The following TBC1D15 variants were observed in gnomAD, a reference collection of about 807,000 sequenced individuals.
The protein encoded by TBC1D15 is GAP for RAB7.
In TBC1D15, 39 loss-of-function variants were observed where a neutral mutation model predicts 95.4. That is an observed-to-expected ratio of 0.41 (90% CI 0.32 to 0.53). The LOEUF (loss-of-function observed/expected upper bound fraction) is 0.53, where lower values mean the gene tolerates loss of function less well. Ranked by LOEUF, TBC1D15 falls within the 20% of genes least tolerant of loss-of-function variation. The pLI is 0.29. For synonymous variants in TBC1D15, 258 were observed against 261.3 expected (o/e 0.99, Z 0.12); for missense variants, 733 against 794.3 (o/e 0.92, Z 0.93).
intron 11 of TBC1D15, among the ~76,000 whole-genome samples, chr12:71,910,930 A>G (rs1027426161): frequency 6.6e-6 from 1 of 152,224 alleles, no homozygotes; most frequent in Non-Finnish European, 1.5e-5. Context: ...TTTACAAGAA[A>G]AAACAAACAA....
intron 7 of TBC1D15, 72 bp downstream of exon 7, chr12:71,894,955 T>C: frequency 7.0e-7 from 1 of 1,424,794 alleles, no homozygotes; most frequent in South Asian, 1.4e-5. Context: ...AATAGAAACT[T>C]AATTTTGGTG....
intron 1 of TBC1D15, among the ~76,000 whole-genome samples, chr12:71,857,406 A>G (rs1473354699): frequency 1.3e-5 from 2 of 152,220 alleles, no homozygotes; most frequent in Non-Finnish European, 2.9e-5. Flanking sequence ...ATGCATAGAG[A>G]TAACTTTTCA....
intron 5 of TBC1D15, among the ~76,000 whole-genome samples, chr12:71,887,173 C>T (rs1371416492): frequency 1.3e-5 from 2 of 152,074 alleles, no homozygotes; most frequent in African/African-American, 4.8e-5. Flanking sequence ...TTGTATTAAT[C>T]CCAAAGCAAA....
chr12:71,846,624 AT>A (rs887356573), intron 1 of TBC1D15, among the ~76,000 whole-genome samples: 1 of 151,298 alleles, frequency 6.6e-6, no homozygotes, highest in Non-Finnish European at 1.5e-5. Flanking sequence ...ATGATTGTTA[AT>A]TTTTTTTTGA....
intron 1 of TBC1D15, chr12:71,861,506 C>G: frequency 6.5e-7 from 1 of 1,528,676 alleles, no homozygotes; most frequent in Non-Finnish European, 8.8e-7. Flanking sequence ...GGTAGGTAGT[C>G]TCTCTAATGA....
intron 5 of TBC1D15, among the ~76,000 whole-genome samples, chr12:71,888,974 A>G (rs1896758163): frequency 6.6e-6 from 1 of 151,908 alleles, no homozygotes; most frequent in Admixed American, 6.6e-5. Flanking sequence ...CTTAAGTTGC[A>G]GCTATAATAA....
At chr12:71,849,447 TC>T in intron 1 of TBC1D15, 1 of 1,064,134 alleles carries the variant, frequency 9.4e-7, no homozygotes, top group East Asian at 2.4e-5. Flanking sequence ...ATGGGCCTCT[TC>T]AAGGGAAGAT....
chr12:71,915,448 TAA>T (rs1236554792), intron 12 of TBC1D15, among the ~76,000 whole-genome samples: 1 of 130,476 alleles, frequency 7.7e-6, no homozygotes. Flanking sequence ...GTAGATATTC[TAA>T]AAAAAAAAAA....
At chr12:71,859,668 C>T (rs1029352735) in intron 1 of TBC1D15, among the ~76,000 whole-genome samples, 4 of 151,748 alleles carry the variant, frequency 2.6e-5, no homozygotes, top group Non-Finnish European at 4.4e-5. Flanking sequence ...AGTGTAGTGG[C>T]GTGATCTCAA....
rs184414484 is a variant in TBC1D15 at position 71,900,201 on chromosome 12, A to G, written c.1183+2260A>G. Among the ~76,000 whole-genome samples, 726 of 152,254 alleles carry G rather than the reference A, an allele frequency of 4.8e-3. 4 individuals carry two copies. The highest frequency in any genetic ancestry group is 7.3e-3 in the Non-Finnish European group (496 of 68,022). On this transcript the variant is annotated intron_variant, in intron 10 of 16. Coordinates refer to ENST00000485960, the MANE Select transcript of TBC1D15 (RefSeq NM_001146213.3). ...ACCTTAAGGTGAAATATACAAATGG[A>G]ATGTCAAGTAGGTAGTTGAATAGTC...
intron 14 of TBC1D15, among the ~76,000 whole-genome samples, chr12:71,920,253 G>T (rs928626315): frequency 5.3e-5 from 8 of 152,114 alleles, no homozygotes; most frequent in African/African-American, 1.9e-4. Flanking sequence ...TGATACAAGG[G>T]TTTTACGTAT....
At chr12:71,848,956 A>G (rs548304562) in intron 1 of TBC1D15, among the ~76,000 whole-genome samples, 76 of 152,298 alleles carry the variant, frequency 5.0e-4, no homozygotes, top group Non-Finnish European at 9.3e-4. Context: ...CATCATGTCT[A>G]TAAAAACAGC....
intron 1 of TBC1D15, among the ~76,000 whole-genome samples, chr12:71,860,714 C>A (rs1890188920): frequency 6.6e-6 from 1 of 152,098 alleles, no homozygotes. Context: ...GATGTCTTTT[C>A]TTTCTTTCTC....
chr12:71,923,374 T>C lies in TBC1D15; in HGVS notation c.*170T>C. ...TACAAAGATTTAAACTAATTATTTT[T>C]GTAGTTACTTCTACCAAATAGCCTT... On this transcript the variant is annotated 3_prime_UTR_variant, in exon 17 of 17. Coordinates refer to ENST00000485960, the MANE Select transcript of TBC1D15 (RefSeq NM_001146213.3). 2 of 577,252 alleles carry C rather than the reference T, an allele frequency of 3.5e-6. No homozygotes were observed. Among genetic ancestry groups the C allele is most frequent in the Non-Finnish European group, 5.9e-6 (2 of 339,904 alleles). The allele number at this position is 577,252 out of a possible 1,614,324, so 35.8% of individuals were successfully genotyped here. A position where few individuals can be genotyped will look rare whatever the true frequency, so the allele number is the denominator to read the frequency against.
chr12:71,897,601 A>G (rs1329295632), intron 9 of TBC1D15, among the ~76,000 whole-genome samples: 1 of 152,070 alleles, frequency 6.6e-6, no homozygotes, highest in Admixed American at 6.6e-5. Flanking sequence ...GTAAAAGAAT[A>G]CCTAAAATTA....
chr12:71,872,729 G>A (rs377754630), intron 2 of TBC1D15, among the ~76,000 whole-genome samples, 200 bp from the exon 3 acceptor site: 2 of 152,296 alleles, frequency 1.3e-5, no homozygotes. Context: ...CGTAGAAGTT[G>A]TAGCAATATA....
intron 10 of TBC1D15, among the ~76,000 whole-genome samples, chr12:71,906,791 T>C (rs1005076704): frequency 6.6e-6 from 1 of 152,212 alleles, no homozygotes; most frequent in African/African-American, 2.4e-5. Context: ...TAGATAATAA[T>C]TGAAAAATAT....
At chr12:71,903,515 G>T (rs985848439) in intron 10 of TBC1D15, among the ~76,000 whole-genome samples, 43 of 152,260 alleles carry the variant, frequency 2.8e-4, no homozygotes, top group African/African-American at 1.0e-3. Flanking sequence ...TCCCATTACT[G>T]GATATATGTC....
In TBC1D15 at chr12:71,923,475, T is replaced by C. The variant is rs1592846804; in HGVS notation, c.*271T>C. ...TTCTTGCTGATGAACTGGAATTGGATAAATATTGCAAGTGGATGAGTTGGA... is the reference window on the plus strand; with the variant it reads ...TTCTTGCTGATGAACTGGAATTGGACAAATATTGCAAGTGGATGAGTTGGA... On this transcript the variant is annotated 3_prime_UTR_variant, in exon 17 of 17. Transcript: ENST00000485960. 1 of 345,074 alleles carries C rather than the reference T, an allele frequency of 2.9e-6. No homozygotes were observed. Among genetic ancestry groups the C allele is most frequent in the East Asian group, 5.4e-5 (1 of 18,606 alleles). The allele number at this position is 345,074 out of a possible 1,614,324, so 21.4% of individuals were successfully genotyped here. A position where few individuals can be genotyped will look rare whatever the true frequency, so the allele number is the denominator to read the frequency against.
Sources: allele counts gnomAD v4.1 joint callset (sites outside exome capture counted in the v4.1 genomes callset), GRCh38; gene constraint gnomAD v4.1.1; transcripts MANE v1.5; gene names NCBI Gene and HGNC (gene_info 2026-07-23, HGNC 2026-07-21).